The following LRRC74A variants were observed in gnomAD, a reference collection of about 807,000 sequenced individuals.
LRRC74A encodes leucine rich repeat containing 74A.
Under a neutral mutation model 57.9 loss-of-function variants are expected in LRRC74A, and 44 were observed. The observed-to-expected ratio is 0.76, with a 90% CI of 0.60 to 0.98. The LOEUF (loss-of-function observed/expected upper bound fraction) is 0.98. Among genes scored for constraint, LRRC74A ranks in the 50% least tolerant of loss-of-function variants. LRRC74A has a pLI of 0.00. For synonymous variants in LRRC74A, 211 were observed against 219.4 expected, an observed-to-expected ratio of 0.96 and a Z score of 0.34; for missense variants, 572 against 574.0, an observed-to-expected ratio of 1.00 and a Z score of 0.04.
intron 3 of LRRC74A, among the ~76,000 whole-genome samples, chr14:76,833,112 A>C (rs1240815101): frequency 6.6e-6 from 1 of 152,204 alleles, no homozygotes; most frequent in Non-Finnish European, 1.5e-5. Context: ...ATAGAGAATG[A>C]GTGACTGAAA....
chr14:76,836,371 T>G, intron 4 of LRRC74A, 57 bp downstream of exon 4: 1 of 1,331,524 alleles, frequency 7.5e-7, no homozygotes. Flanking sequence ...CACAACCCAC[T>G]GGAGACAAGC....
chr14:76,841,570 C>A (rs181831976), intron 5 of LRRC74A, among the ~76,000 whole-genome samples: 64 of 152,006 alleles, frequency 4.2e-4, no homozygotes, highest in Non-Finnish European at 8.5e-4. Flanking sequence ...AAAAAAAACA[C>A]CTGTTGGGGT....
chr14:76,850,737 A>G (rs561574696), intron 7 of LRRC74A, among the ~76,000 whole-genome samples: 28 of 151,650 alleles, frequency 1.8e-4, no homozygotes, highest in South Asian at 4.2e-4. Flanking sequence ...GCGTGGTGGC[A>G]GGCGCCTATA....
intron 1 of LRRC74A, 74 bp from the exon 2 acceptor site, chr14:76,828,217 C>G: frequency 6.6e-7 from 1 of 1,515,344 alleles, no homozygotes. Flanking sequence ...GATGGAGGGG[C>G]GGCAGCGGCA....
chr14:76,853,431 G>A (rs748473589), intron 9 of LRRC74A, 21 bp downstream of exon 9: 2 of 751,668 alleles, frequency 2.7e-6, no homozygotes, highest in Non-Finnish European at 1.7e-6. Flanking sequence ...GCTGGAAAGG[G>A]TGTGTGTGTG....
At position 76,849,568 on chromosome 14, in the gene LRRC74A, G is replaced by A. The variant is rs1223053284; in HGVS notation, c.677-2797G>A. Reference sequence around the variant, plus strand: ...TGTAATCCCAACACTTTCGGAGGCCGAGGCGGGTGGATCACCTGAGGTCAG... The same window carrying A: ...TGTAATCCCAACACTTTCGGAGGCCAAGGCGGGTGGATCACCTGAGGTCAG... On this transcript the variant is annotated intron_variant, in intron 7 of 13. Coordinates refer to ENST00000689127, the MANE Select transcript of LRRC74A (RefSeq NM_001385106.1). Among the ~76,000 whole-genome samples, 5 of 151,868 alleles carry A rather than the reference G, an allele frequency of 3.3e-5. No individual in the cohort carries two copies. In the East Asian group the frequency reaches 5.9e-4, roughly 18 times the overall value.
intron 7 of LRRC74A, among the ~76,000 whole-genome samples, chr14:76,851,346 A>G (rs1897470072): frequency 6.6e-6 from 1 of 152,130 alleles, no homozygotes. Flanking sequence ...CCACCAGATA[A>G]ATAATTCTTG....
intron 13 of LRRC74A, among the ~76,000 whole-genome samples, chr14:76,868,418 G>A (rs1056717418): frequency 2.4e-4 from 36 of 152,326 alleles, no homozygotes; most frequent in African/African-American, 7.7e-4. Flanking sequence ...ACAGCCAGCC[G>A]AGATTGCATC....
chr14:76,851,761 G>A (rs1353351735), intron 7 of LRRC74A, among the ~76,000 whole-genome samples: 1 of 151,742 alleles, frequency 6.6e-6, no homozygotes. Flanking sequence ...TGCCTCCCGG[G>A]TTCAAGCGAT....
intron 13 of LRRC74A, among the ~76,000 whole-genome samples, chr14:76,869,577 C>T (rs968772242): frequency 6.6e-6 from 1 of 151,936 alleles, no homozygotes; most frequent in African/African-American, 2.4e-5. Flanking sequence ...ATGGTGAAAC[C>T]CCCACCTCTA....
chr14:76,829,386 C>T (rs1277088436), intron 2 of LRRC74A, among the ~76,000 whole-genome samples: 1 of 152,248 alleles, frequency 6.6e-6, no homozygotes, highest in Non-Finnish European at 1.5e-5. Flanking sequence ...GACCTCCTCC[C>T]CGCTGACCCC....
chr14:76,862,625 G>C (rs1427203354), intron 11 of LRRC74A, among the ~76,000 whole-genome samples: 1 of 152,178 alleles, frequency 6.6e-6, no homozygotes, highest in Non-Finnish European at 1.5e-5. Flanking sequence ...ATCAACGTAG[G>C]ATTCGGCAAC....
At chr14:76,868,287 ACCCCCGT>A (rs1385766427) in intron 13 of LRRC74A, among the ~76,000 whole-genome samples, 2 of 151,844 alleles carry the variant, frequency 1.3e-5, no homozygotes, top group Non-Finnish European at 2.9e-5. Flanking sequence ...AGATAGCAAG[ACCCCCGT>A]CTCTACTAAA....
Position 76,844,172 on chromosome 14 carries a change from T to C in LRRC74A, c.545-251T>C, listed in dbSNP as rs55807362. On this transcript the variant is annotated intron_variant, in intron 5 of 13. Coordinates refer to ENST00000689127, the MANE Select transcript of LRRC74A (RefSeq NM_001385106.1). ...TGCCACCATGACTGGCTAATTTTTT[T>C]AAAAATTCTTTGTAGAGACAAGGGC... 7.9e-5 allele frequency among the ~76,000 whole-genome samples: 12 copies of C among 152,200 alleles called. 1 individual carries two copies. In the South Asian group the frequency reaches 2.5e-3, roughly 32 times the overall value.
rs1201189505 is a variant in LRRC74A at position 76,837,885 on chromosome 14, A to C, written c.458A>C (p.Asn153Thr). ...TTTCTTGCCTTTTAGAATATTTCCA[A>C]CAATCACCTTGGTTTGGAGGGGGCC... Reference protein sequence around the residue: ...NYYLQEMNISNNHLGLEGARI... With the variant: ...NYYLQEMNISTNHLGLEGARI... The change falls in exon 5 of 14, where the codon AAC becomes ACC. Residue 153 changes from asparagine to threonine, a missense_variant. By Grantham distance (65) the Asn-to-Thr change is moderately conservative. Transcript: ENST00000689127. 1 of 1,586,052 alleles carries C rather than the reference A, an allele frequency of 6.3e-7. No individual in the cohort carries two copies. The highest frequency in any genetic ancestry group is 8.6e-7 in the Non-Finnish European group (1 of 1,163,980).
chr14:76,829,282 C>A, intron 2 of LRRC74A: 1 of 908,856 alleles, frequency 1.1e-6, no homozygotes, highest in Non-Finnish European at 1.5e-6. Context: ...GCCAGTTCTG[C>A]CAAATTAAAC....
Position 76,826,718 on chromosome 14 carries a change from T to G in LRRC74A, c.21T>G (p.Leu7=). The change falls in exon 1 of 14, where the codon CTT becomes CTG. Residue 7 remains leucine, a synonymous_variant. Coordinates refer to ENST00000689127, the MANE Select transcript of LRRC74A (RefSeq NM_001385106.1). Reference sequence around the variant, plus strand: ...GCACCATGGACAATGACAAGCCTCTTCAGCCTGAGACAGAAGGTGAAAGGG... The same window carrying G: ...GCACCATGGACAATGACAAGCCTCTGCAGCCTGAGACAGAAGGTGAAAGGG... MDNDKP[L]QPETEDEIEI... The G allele has an allele frequency of 2.0e-6, 3 of 1,531,780 alleles. No individual in the cohort carries two copies. The highest frequency in any genetic ancestry group is 2.6e-6 in the Non-Finnish European group (3 of 1,141,382). 94.9% of individuals were successfully genotyped at this position (1,531,780 alleles called of 1,614,324 possible).
Position 76,837,965 on chromosome 14 carries a change from C to G in LRRC74A, c.538C>G (p.Leu180Val). The G allele has an allele frequency of 6.4e-7, 1 of 1,565,194 alleles. No homozygotes were observed. The highest frequency in any genetic ancestry group is 1.7e-4 in the Middle Eastern group (1 of 6,004). ...RNSSSIWSLE[L>V]SGNDFKEDSA... ...CAGTTCTTCTATCTGGAGCCTTGAG[C>G]TTTCAGGTGAGCACATGGAAAGGGA... The change falls in exon 5 of 14, where the codon CTT (leucine) becomes GTT (valine). Residue 180 changes from leucine to valine, a missense_variant. Transcript: ENST00000689127.
chr14:76,838,928 T>C (rs542802181), intron 5 of LRRC74A, among the ~76,000 whole-genome samples: 1 of 152,186 alleles, frequency 6.6e-6, no homozygotes, highest in Non-Finnish European at 1.5e-5. Flanking sequence ...AACATAAATG[T>C]TTTTACATGT....
Sources: gnomAD v4.1 joint callset for allele counts (sites outside exome capture counted in the v4.1 genomes callset) on GRCh38, gnomAD v4.1.1 for gene constraint, MANE v1.5 for transcripts, NCBI Gene and HGNC (gene_info 2026-07-23, HGNC 2026-07-21) for gene names.